MAGED1: variants seen among roughly 807,000 people sequenced by gnomAD.
MAGED1 encodes the protein MAGE family member D1.
Under a neutral mutation model 54.1 loss-of-function variants are expected in MAGED1, and 3 were observed. The observed-to-expected ratio is 0.06, with a 90% CI of 0.03 to 0.14. MAGED1 has a LOEUF of 0.14. Ranked by LOEUF, MAGED1 falls within the 10% of genes least tolerant of loss-of-function variation. MAGED1 has a pLI of 1.00. For synonymous variants in MAGED1, 217 were observed against 227.3 expected, an observed-to-expected ratio of 0.95 and a Z score of 0.41; for missense variants, 485 against 623.4, an observed-to-expected ratio of 0.78 and a Z score of 2.36.
chrX:51,859,017 C>G (rs1026091937), intron 1 of MAGED1, among the ~76,000 whole-genome samples: 3 of 111,457 alleles, frequency 2.7e-5, no homozygotes, highest in Non-Finnish European at 3.8e-5. Context: ...TGTGCTACAC[C>G]AGAAAGTATT....
At chrX:51,860,747 T>A (rs1263288565) in intron 1 of MAGED1, among the ~76,000 whole-genome samples, 1 of 106,192 alleles carries the variant, frequency 9.4e-6, no homozygotes, top group East Asian at 2.9e-4. Context: ...TGGTGTGGAG[T>A]GAGAAAAAAA....
At chrX:51,882,609 CAAA>C (rs35286327) in intron 1 of MAGED1, among the ~76,000 whole-genome samples, 2 of 44,372 alleles carry the variant, frequency 4.5e-5, no homozygotes, top group African/African-American at 7.6e-5. Flanking sequence ...AGGGCACAGA[CAAA>C]AAAAAAAAAA....
intron 1 of MAGED1, among the ~76,000 whole-genome samples, chrX:51,847,618 GC>G (rs2074585560): frequency 9.1e-6 from 1 of 110,428 alleles, no homozygotes; most frequent in Admixed American, 9.6e-5. Flanking sequence ...CAGATTGAAT[GC>G]CAGGCCACCA....
chrX:51,867,670 T>C (rs986183708), intron 1 of MAGED1, among the ~76,000 whole-genome samples: 4 of 112,249 alleles, frequency 3.6e-5, no homozygotes, highest in African/African-American at 1.3e-4. Flanking sequence ...ATCAATACTT[T>C]GTATCCTTCA....
rs1926352520 is a variant in MAGED1 at position 51,838,886 on chromosome X, T to C, written c.-37+35769T>C. Reference sequence around the variant, plus strand: ...ACTTCAAAGTAAAACCACTTTCAAATTGCTTTTTTTTTCTGACTATGGAAT... The same window carrying C: ...ACTTCAAAGTAAAACCACTTTCAAACTGCTTTTTTTTTCTGACTATGGAAT... On this transcript the variant is annotated intron_variant, in intron 1 of 12. Transcript: ENST00000375772. Among the ~76,000 whole-genome samples the C allele has an allele frequency of 3.6e-5, 4 of 111,052 alleles. No homozygotes were observed. The Admixed American group carries it at 3.8e-4, about 11-fold the overall frequency.
chrX:51,821,625 A>C (rs1044305413), intron 1 of MAGED1, among the ~76,000 whole-genome samples: 14 of 111,451 alleles, frequency 1.3e-4, no homozygotes, highest in Admixed American at 9.5e-4. Flanking sequence ...CCTGGACTCA[A>C]GCAACCTGCC....
At chrX:51,851,454 T>C (rs185535101) in intron 1 of MAGED1, among the ~76,000 whole-genome samples, 1 of 111,479 alleles carries the variant, frequency 9.0e-6, no homozygotes, top group East Asian at 2.8e-4. Context: ...CTGTTGACAG[T>C]ACTGAACCCT....
chrX:51,881,946 T>C (rs1322695791), intron 1 of MAGED1, among the ~76,000 whole-genome samples: 3 of 110,868 alleles, frequency 2.7e-5, no homozygotes, highest in Non-Finnish European at 5.7e-5. Context: ...TCTAACAAGA[T>C]AGTGGAAAAG....
chrX:51,891,150 C>A (rs1234166318), upstream of MAGED1, among the ~76,000 whole-genome samples: 3 of 112,074 alleles, frequency 2.7e-5, no homozygotes, highest in African/African-American at 9.7e-5. Context: ...TTCATGTAAT[C>A]TTAAATTTGT....
At chrX:51,809,145 C>T (rs782683733) in intron 1 of MAGED1, among the ~76,000 whole-genome samples, 1 of 110,474 alleles carries the variant, frequency 9.1e-6, no homozygotes, top group East Asian at 2.8e-4. Flanking sequence ...GACGGAGTCT[C>T]GCTCTGTCGC....
At chrX:51,884,391 A>G (rs1396330931) in intron 1 of MAGED1, among the ~76,000 whole-genome samples, 1 of 112,130 alleles carries the variant, frequency 8.9e-6, no homozygotes. Context: ...GGAATTAAAT[A>G]CCCAATGAAA....
intron 12 of MAGED1, 56 bp downstream of exon 12, chrX:51,901,994 T>C (rs1929045975): frequency 9.1e-7 from 1 of 1,093,115 alleles, no homozygotes; most frequent in Non-Finnish European, 1.2e-6. Flanking sequence ...ATAGGGTCCA[T>C]GGGGTTGTAT....
In MAGED1 at chrX:51,830,128, C is replaced by T. The variant is rs376044282; in HGVS notation, c.-37+27011C>T. Among the ~76,000 whole-genome samples the T allele has an allele frequency of 8.0e-5, 9 of 112,041 alleles. No homozygotes were observed. In the East Asian group the frequency reaches 2.2e-3, roughly 28 times the overall value. ...TATGGCAGTGAAAATGAAGAAATCACATCAATATATATCAGTGTCATCTTA... is the reference window on the plus strand; with the variant it reads ...TATGGCAGTGAAAATGAAGAAATCATATCAATATATATCAGTGTCATCTTA... On this transcript the variant is annotated intron_variant, in intron 1 of 12. Coordinates refer to the MAGED1 transcript ENST00000375772.
At chrX:51,890,388 TA>T (rs1488276992), upstream of MAGED1, among the ~76,000 whole-genome samples, 3 of 111,981 alleles carry the variant, frequency 2.7e-5, no homozygotes, top group African/African-American at 9.7e-5. Context: ...TAATAAACAA[TA>T]GCCATAACAC....
chrX:51,815,031 T>G (rs1053489816), intron 1 of MAGED1, among the ~76,000 whole-genome samples: 2 of 104,494 alleles, frequency 1.9e-5, no homozygotes, highest in Non-Finnish European at 3.9e-5. Flanking sequence ...TGGTCCCAGG[T>G]ACTCTGGAGG....
intron 1 of MAGED1, among the ~76,000 whole-genome samples, chrX:51,819,927 T>C (rs1925562090): frequency 8.9e-6 from 1 of 112,159 alleles, no homozygotes; most frequent in African/African-American, 3.2e-5. Context: ...TTTTATAATT[T>C]TAGCTTCTAC....
chrX:51,806,145 T>G (rs1925025679), intron 1 of MAGED1, among the ~76,000 whole-genome samples: 1 of 108,573 alleles, frequency 9.2e-6, no homozygotes, highest in African/African-American at 3.4e-5. Flanking sequence ...GGCTAACTTT[T>G]TTACTTTTAG....
At chrX:51,870,227 T>G (rs1288247809) in intron 1 of MAGED1, among the ~76,000 whole-genome samples, 1 of 111,993 alleles carries the variant, frequency 8.9e-6, no homozygotes, top group Admixed American at 9.4e-5. Context: ...ATTCTATAAT[T>G]TACTGTAATA....
chrX:51,868,124 A>G (rs782608144), intron 1 of MAGED1, among the ~76,000 whole-genome samples: 20 of 112,461 alleles, frequency 1.8e-4, no homozygotes, highest in East Asian at 1.4e-3. Context: ...CTCTCTACCA[A>G]TGGGAACATC....
Sources: allele counts gnomAD v4.1 joint callset (sites outside exome capture counted in the v4.1 genomes callset), GRCh38; gene constraint gnomAD v4.1.1; transcripts MANE v1.5; gene names NCBI Gene and HGNC (gene_info 2026-07-23, HGNC 2026-07-21).